Variants in LGR5 observed in about 807,000 individuals in gnomAD.
LGR5 encodes leucine-rich repeat-containing G protein-coupled receptor 5.
A neutral mutation model predicts 76.7 loss-of-function variants in LGR5; 54 were observed. The ratio of observed to expected loss-of-function variants is 0.70; its 90% CI spans 0.57 to 0.88. The LOEUF is 0.88. Ranked by LOEUF, LGR5 falls within the 40% of genes least tolerant of loss-of-function variation. The probability of loss-of-function intolerance (pLI) is 0.00; values close to 1 mark genes in which losing one functional copy is unlikely to be tolerated. For missense variants in LGR5, 1,078 were observed against 1,073.3 expected (o/e 1.00, Z -0.06); for synonymous variants, 406 against 421.9 (o/e 0.96, Z 0.46).
At chr12:71,543,449 G>T (rs951620521) in intron 4 of LGR5, among the ~76,000 whole-genome samples, 1 of 152,172 alleles carries the variant, frequency 6.6e-6, no homozygotes, top group Non-Finnish European at 1.5e-5. Flanking sequence ...ATAGGCAGTG[G>T]GTAGGGGATG....
At chr12:71,566,585 CT>C in intron 9 of LGR5, 46 bp from the exon 10 acceptor site, 3 of 1,557,652 alleles carry the variant, frequency 1.9e-6, no homozygotes, top group South Asian at 1.1e-5. Context: ...AAAATTACCC[CT>C]GTCTAGAATC....
chr12:71,469,262 T>A (rs1872989304), intron 1 of LGR5, among the ~76,000 whole-genome samples: 1 of 152,240 alleles, frequency 6.6e-6, no homozygotes, highest in African/African-American at 2.4e-5. Context: ...AATGCAATTT[T>A]AAAATATTAC....
chr12:71,584,837 T>C lies in LGR5; in HGVS notation c.*103T>C. On this transcript the variant is annotated 3_prime_UTR_variant, in exon 18 of 18. Coordinates refer to ENST00000266674, the MANE Select transcript of LGR5 (RefSeq NM_003667.4). ...TAAGAAGAGCTGAGGTGAAACTCGGTTTAAAAACCAAAAAAGAATCTCTCA... is the reference window on the plus strand; with the variant it reads ...TAAGAAGAGCTGAGGTGAAACTCGGCTTAAAAACCAAAAAAGAATCTCTCA... 8.1e-7 allele frequency: 1 copy of C among 1,238,208 alleles called. No homozygotes were observed. Among genetic ancestry groups the C allele is most frequent in the Non-Finnish European group, 1.1e-6 (1 of 892,340 alleles). The allele number at this position is 1,238,208 out of a possible 1,614,324, so 76.7% of individuals were successfully genotyped here.
intron 1 of LGR5, among the ~76,000 whole-genome samples, chr12:71,458,035 T>C (rs1872554224): frequency 1.3e-5 from 2 of 152,150 alleles, no homozygotes; most frequent in South Asian, 4.1e-4. Flanking sequence ...CTTGTTTTTT[T>C]CTAAGCTCCC....
intron 4 of LGR5, among the ~76,000 whole-genome samples, chr12:71,548,106 GT>G (rs527269086): frequency 1.1e-3 from 162 of 152,274 alleles, no homozygotes; most frequent in African/African-American, 3.2e-3. Flanking sequence ...TATTGAAAGT[GT>G]TTTACTTTGC....
At chr12:71,491,006 TC>T (rs1653079095) in intron 1 of LGR5, among the ~76,000 whole-genome samples, 1 of 152,130 alleles carries the variant, frequency 6.6e-6, no homozygotes, top group Admixed American at 6.5e-5. Context: ...GGTGGGTTTT[TC>T]CAATGCTGTT....
chr12:71,451,860 G>A (rs1043944050), intron 1 of LGR5, among the ~76,000 whole-genome samples: 1 of 152,002 alleles, frequency 6.6e-6, no homozygotes, highest in African/African-American at 2.4e-5. Flanking sequence ...GATTTTCTTG[G>A]GAGTGCACCT....
chr12:71,443,887 T>C (rs1871872997), intron 1 of LGR5, among the ~76,000 whole-genome samples: 1 of 152,108 alleles, frequency 6.6e-6, no homozygotes, highest in African/African-American at 2.4e-5. Flanking sequence ...ATGTATGTTA[T>C]ATAAACCAAA....
intron 11 of LGR5, chr12:71,567,138 C>T: frequency 1.9e-6 from 1 of 522,294 alleles, no homozygotes; most frequent in Non-Finnish European, 3.5e-6. Flanking sequence ...CAAGCTCCCA[C>T]TAGACTTTCA....
chr12:71,552,831 G>A (rs1877558756), intron 4 of LGR5, among the ~76,000 whole-genome samples: 1 of 152,076 alleles, frequency 6.6e-6, no homozygotes, highest in Admixed American at 6.6e-5. Context: ...TTACCTACAA[G>A]CCTGGAAGAG....
chr12:71,446,636 C>T (rs1012936490), intron 1 of LGR5, among the ~76,000 whole-genome samples: 1 of 152,170 alleles, frequency 6.6e-6, no homozygotes, highest in Admixed American at 6.5e-5. Flanking sequence ...CCCAAGAAAA[C>T]AGGCTTTCCA....
In LGR5 at chr12:71,547,855, C is replaced by T. The variant is rs537277089; in HGVS notation, c.429-5218C>T. 3.9e-5 allele frequency among the ~76,000 whole-genome samples: 6 copies of T among 152,244 alleles called. No individual in the cohort carries two copies. The East Asian group carries it at 1.2e-3, about 29-fold the overall frequency. Reference sequence around the variant, plus strand: ...CTCCTGACCTCAGGTGATCTGCCTGCCTTGGCCTCCCAAAGTGCTAGGCCT... The same window carrying T: ...CTCCTGACCTCAGGTGATCTGCCTGTCTTGGCCTCCCAAAGTGCTAGGCCT... On this transcript the variant is annotated intron_variant, in intron 4 of 17. Coordinates refer to ENST00000266674, the MANE Select transcript of LGR5 (RefSeq NM_003667.4).
At chr12:71,518,929 C>T (rs1270399832) in intron 2 of LGR5, among the ~76,000 whole-genome samples, 1 of 152,176 alleles carries the variant, frequency 6.6e-6, no homozygotes, top group Admixed American at 6.5e-5. Flanking sequence ...AACAAACCCC[C>T]ATTACACAAG....
At position 71,524,457 on chromosome 12, in the gene LGR5, C is replaced by T. The variant is rs764850360; in HGVS notation, c.336C>T (p.Gly112=). The change falls in exon 3 of 18, where the codon GGC becomes GGT. Residue 112 remains glycine, a synonymous_variant. Transcript: ENST00000266674. ...LTYIPKGAFT[G]LYSLKVLMLQ... is the part of the protein sequence containing the mutation. ...ACATTCCCAAGGGAGCATTCACTGGCCTTTACAGTCTTAAAGTTCTGTAAG... is the reference window on the plus strand; with the variant it reads ...ACATTCCCAAGGGAGCATTCACTGGTCTTTACAGTCTTAAAGTTCTGTAAG... 1 of 1,612,080 alleles carries T rather than the reference C, an allele frequency of 6.2e-7. No homozygotes were observed. Among genetic ancestry groups the T allele is most frequent in the Non-Finnish European group, 8.5e-7 (1 of 1,178,420 alleles).
intron 3 of LGR5, among the ~76,000 whole-genome samples, chr12:71,531,952 G>T (rs541821177): frequency 1.3e-4 from 20 of 152,018 alleles, no homozygotes; most frequent in Non-Finnish European, 2.8e-4. Flanking sequence ...GAGAAAGTTC[G>T]CAACTATTCA....
chr12:71,496,599 G>A (rs976162549), intron 1 of LGR5, among the ~76,000 whole-genome samples: 2 of 152,108 alleles, frequency 1.3e-5, no homozygotes, highest in African/African-American at 4.8e-5. Flanking sequence ...TAACAAATAT[G>A]TACACATATG....
intron 1 of LGR5, among the ~76,000 whole-genome samples, chr12:71,484,702 T>C (rs1374500177): frequency 6.6e-6 from 1 of 152,178 alleles, no homozygotes. Context: ...TCCTTCTCTA[T>C]TTTGGGATGT....
At chr12:71,552,955 G>A (rs893892972) in intron 4 of LGR5, 118 bp from the exon 5 acceptor site, 64 of 796,454 alleles carry the variant, frequency 8.0e-5, no homozygotes, top group Middle Eastern at 3.7e-4. Context: ...CAGGGCTCTC[G>A]GGGACCCCAG....
chr12:71,445,237 A>C (rs145343577), intron 1 of LGR5, among the ~76,000 whole-genome samples: 285 of 152,188 alleles, frequency 1.9e-3, no homozygotes, highest in African/African-American at 6.6e-3. Flanking sequence ...CAAATTCCTC[A>C]CTCCAGTTGC....
Sources: allele counts gnomAD v4.1 joint callset (sites outside exome capture counted in the v4.1 genomes callset), GRCh38; gene constraint gnomAD v4.1.1; transcripts MANE v1.5; gene names NCBI Gene and HGNC (gene_info 2026-07-23, HGNC 2026-07-21).